The following CRYBG1 variants were observed in gnomAD, a reference collection of about 807,000 sequenced individuals.
The protein encoded by CRYBG1 is beta/gamma crystallin domain-containing protein 1.
CRYBG1 carries 139 observed loss-of-function variants against 189.2 expected under a neutral mutation model. The ratio of observed to expected loss-of-function variants is 0.73; its 90% confidence interval spans 0.64 to 0.85. The LOEUF (loss-of-function observed/expected upper bound fraction) is 0.85, where lower values mean the gene tolerates loss of function less well. Among genes scored for constraint, CRYBG1 ranks in the 40% least tolerant of loss-of-function variants. CRYBG1 has a pLI of 0.00. For synonymous variants in CRYBG1, 1,023 were observed against 1,017.1 expected (o/e 1.01, Z -0.11); for missense variants, 2,611 against 2,675.8 (o/e 0.98, Z 0.53).
chr6:106,505,966 C>CA (rs1480172610), intron 2 of CRYBG1, among the ~76,000 whole-genome samples: 1 of 152,122 alleles, frequency 6.6e-6, no homozygotes, highest in Non-Finnish European at 1.5e-5. Flanking sequence ...TTGATGACCA[C>CA]ATTTTAGAAG....
At chr6:106,425,041 C>G (rs1771200786) in intron 1 of CRYBG1, among the ~76,000 whole-genome samples, 1 of 152,214 alleles carries the variant, frequency 6.6e-6, no homozygotes, top group African/African-American at 2.4e-5. Flanking sequence ...CCTCCCTCGT[C>G]AGCACCAGCA....
In CRYBG1 at chr6:106,490,869, G is replaced by A. The variant is rs188164808; in HGVS notation, c.313-20561G>A. ...TGAAAAGGCCTGTTGCTCTTGATGA[G>A]CACTTGATCATTTTTCAACTTGTAC... is the stretch of plus-strand genomic sequence containing the variant. On this transcript the variant is annotated intron_variant, in intron 2 of 21. Coordinates refer to ENST00000633556, the MANE Select transcript of CRYBG1 (RefSeq NM_001371242.2). Among the ~76,000 whole-genome samples, 6 of 142,550 alleles carry A rather than the reference G, an allele frequency of 4.2e-5. No individual in the cohort carries two copies. The East Asian group carries it at 1.2e-3, about 28-fold the overall frequency. The allele number at this position is 142,550 out of a possible 152,430, so 93.5% of individuals were successfully genotyped here.
At position 106,519,113 on chromosome 6, in the gene CRYBG1, C is replaced by T. The variant is rs1444265625; in HGVS notation, c.1923-18C>T. On this transcript the variant is annotated intron_variant, in intron 3 of 21. Coordinates refer to ENST00000633556, the MANE Select transcript of CRYBG1 (RefSeq NM_001371242.2). ...AAAACTAGGTCAATAACTTTATCTT[C>T]CTGCTTTTTCCTCACAGCCCTGCCA... 1 of 1,585,502 alleles carries T rather than the reference C, an allele frequency of 6.3e-7. No individual in the cohort carries two copies. Among genetic ancestry groups the T allele is most frequent in the East Asian group, 2.2e-5 (1 of 44,654 alleles).
chr6:106,560,297 C>T (rs543348220), intron 18 of CRYBG1, among the ~76,000 whole-genome samples: 2 of 152,206 alleles, frequency 1.3e-5, no homozygotes, highest in Non-Finnish European at 2.9e-5. Context: ...CGCCAGTCTG[C>T]GCTTAAACCC....
chr6:106,428,566 C>T (rs1771268846), intron 1 of CRYBG1, among the ~76,000 whole-genome samples: 1 of 152,112 alleles, frequency 6.6e-6, no homozygotes, highest in Non-Finnish European at 1.5e-5. Flanking sequence ...CCATTTAATT[C>T]CTCTAACAAC....
Position 106,543,533 on chromosome 6 carries a change from G to A in CRYBG1, c.4975G>A (p.Glu1659Lys). ...SFVMEGGETE[E>K]ATGDDHLPFT... ...TGTCATGGAGGGAGGTGAAACAGAAGAGGCGACTGGAGACGATCATTTGCC... is the reference window on the plus strand; with the variant it reads ...TGTCATGGAGGGAGGTGAAACAGAAAAGGCGACTGGAGACGATCATTTGCC... The change falls in exon 11 of 22, where the codon GAG becomes AAG. Residue 1659 changes from glutamate (E) to lysine (K), a missense_variant. This residue lies in a region of CRYBG1 where 1,622 missense variants were observed against 1,735.0 expected (regional missense o/e 0.93). Transcript: ENST00000633556. 6.2e-7 allele frequency: 1 copy of A among 1,614,146 alleles called. No homozygotes were observed. Among genetic ancestry groups the A allele is most frequent in the Non-Finnish European group, 8.5e-7 (1 of 1,179,996 alleles).
chr6:106,430,295 C>T (rs1771300959), intron 1 of CRYBG1, among the ~76,000 whole-genome samples: 1 of 152,060 alleles, frequency 6.6e-6, no homozygotes, highest in Non-Finnish European at 1.5e-5. Context: ...TAGCTGGATG[C>T]AGTGGCTCAC....
intron 1 of CRYBG1, among the ~76,000 whole-genome samples, chr6:106,415,789 T>C (rs1771010850): frequency 6.6e-6 from 1 of 152,126 alleles, no homozygotes; most frequent in African/African-American, 2.4e-5. Flanking sequence ...GACCTGAACA[T>C]ATGACAGGCA....
chr6:106,431,785 T>C (rs1469999333), intron 1 of CRYBG1, among the ~76,000 whole-genome samples: 2 of 152,100 alleles, frequency 1.3e-5, no homozygotes, highest in Non-Finnish European at 2.9e-5. Context: ...AATGTTTCCG[T>C]ACCCTACAGC....
intron 1 of CRYBG1, among the ~76,000 whole-genome samples, chr6:106,399,855 G>T (rs1437838886): frequency 6.6e-6 from 1 of 151,550 alleles, no homozygotes; most frequent in Admixed American, 6.6e-5. Context: ...AAATATCTCC[G>T]GCCGGGTGCG....
intron 6 of CRYBG1, among the ~76,000 whole-genome samples, chr6:106,526,572 T>G (rs1371160309): frequency 6.6e-6 from 1 of 152,214 alleles, no homozygotes. Context: ...TATAGTCTTT[T>G]GTGCCAACAT....
At chr6:106,373,546 G>C (rs770558253) in intron 1 of CRYBG1, among the ~76,000 whole-genome samples, 1 of 152,094 alleles carries the variant, frequency 6.6e-6, no homozygotes, top group Non-Finnish European at 1.5e-5. Context: ...AATAATCTTT[G>C]TCTTTAGTAC....
chr6:106,556,008 G>A, intron 17 of CRYBG1, 111 bp downstream of exon 17: 2 of 1,245,028 alleles, frequency 1.6e-6, no homozygotes, highest in Non-Finnish European at 1.2e-6. Flanking sequence ...TTAAGGGCTT[G>A]GAGATGGAAC....
intron 13 of CRYBG1, among the ~76,000 whole-genome samples, chr6:106,549,725 T>C (rs1676030): frequency 0.11 from 16,169 of 152,212 alleles, 1,426 homozygotes; most frequent in African/African-American, 0.24. Context: ...TTTGGATGGC[T>C]GGGAGTGAGT....
intron 1 of CRYBG1, among the ~76,000 whole-genome samples, chr6:106,439,347 T>G (rs1333474648): frequency 6.6e-6 from 1 of 152,200 alleles, no homozygotes. Context: ...CCTACCATTA[T>G]TCAGTTTATA....
intron 16 of CRYBG1, among the ~76,000 whole-genome samples, chr6:106,554,442 T>C (rs1774485755): frequency 6.6e-6 from 1 of 152,084 alleles, no homozygotes; most frequent in African/African-American, 2.4e-5. Context: ...GGCAAAACCC[T>C]GTCTTTACTA....
chr6:106,425,662 G>A (rs1159783890), intron 1 of CRYBG1, among the ~76,000 whole-genome samples: 1 of 152,054 alleles, frequency 6.6e-6, no homozygotes, highest in South Asian at 2.1e-4. Context: ...ACAGAGTTTC[G>A]CTCTTGTCAT....
intron 1 of CRYBG1, among the ~76,000 whole-genome samples, chr6:106,371,990 C>T (rs1169245431): frequency 2.6e-5 from 4 of 152,174 alleles, no homozygotes; most frequent in South Asian, 2.1e-4. Context: ...TGTAGAGAGG[C>T]GATGTCTCCA....
Position 106,570,226 on chromosome 6 carries a change from C to G in CRYBG1, c.*1660C>G, listed in dbSNP as rs1416305525. 6.6e-6 allele frequency: 1 copy of G among 152,224 alleles called. No homozygotes were observed. Among genetic ancestry groups the G allele is most frequent in the East Asian group, 1.9e-4 (1 of 5,206 alleles). The allele number at this position is 152,224 out of a possible 1,614,324, so 9.4% of individuals were successfully genotyped here. On this transcript the variant is annotated 3_prime_UTR_variant, in exon 22 of 22. Coordinates refer to ENST00000633556, the MANE Select transcript of CRYBG1 (RefSeq NM_001371242.2). ...TTTCTAATTCTAAAATGCTGATCTT[C>G]TCTGGAGTCTATGGTAGGCAATTAT...
Sources: allele counts gnomAD v4.1 joint callset (sites outside exome capture counted in the v4.1 genomes callset), GRCh38; gene constraint gnomAD v4.1.1; regional missense constraint gnomAD v4.1.1; transcripts MANE v1.5; gene names NCBI Gene and HGNC (gene_info 2026-07-23, HGNC 2026-07-21).